The following HEXIM1 variants were observed in gnomAD, a reference collection of about 807,000 sequenced individuals.
The protein encoded by HEXIM1 is HEXIM P-TEFb complex subunit 1.
HEXIM1 carries 1 observed loss-of-function variant against 30.3 expected under a neutral mutation model. The observed-to-expected ratio is 0.03, with a 90% CI of 0.01 to 0.16. The LOEUF (loss-of-function observed/expected upper bound fraction) is 0.16, where lower values mean the gene tolerates loss of function less well. Ranked by LOEUF, HEXIM1 falls within the 10% of genes least tolerant of loss-of-function variation. HEXIM1 has a pLI of 1.00. For missense variants in HEXIM1, 391 were observed against 476.4 expected (o/e 0.82, Z 1.67); for synonymous variants, 245 against 208.3 (o/e 1.18, Z -1.52).
rs761200584 is a variant in HEXIM1 at position 45,149,286 on chromosome 17, C to T, written c.96C>T (p.Arg32=). 6.2e-7 allele frequency: 1 copy of T among 1,613,658 alleles called. No individual in the cohort carries two copies. The highest frequency in any genetic ancestry group is 1.7e-5 in the Admixed American group (1 of 60,016). Residue 32 remains arginine (R), a synonymous_variant, in exon 1 of 1, where the codon CGC becomes CGT. Transcript: ENST00000332499. This position sits in a 1 kb window ranked among gnomAD's most constrained non-coding sequence, Gnocchi z 5.3. ...TCCAGGAAGAGCTGAACCCTGAGCG[C>T]CCCCCAGGCGCGGAGGAGCGGGTGC... The part of the protein sequence containing the change: ...AAVQEELNPE[R]PPGAEERVPE...
rs969644113 is a variant in HEXIM1, at chr17:45,148,728, G to C, written c.-463G>C. The C allele has an allele frequency of 1.5e-5, 6 of 401,134 alleles. No homozygotes were observed. Among genetic ancestry groups the C allele is most frequent in the Non-Finnish European group, 2.6e-5 (6 of 227,486 alleles). 24.8% of individuals were successfully genotyped at this position (401,134 alleles called of 1,614,324 possible). A position where few individuals can be genotyped will look rare whatever the true frequency, so the allele number is the denominator to read the frequency against. ...TGGAAGTGGGAGGAGGTGGCGCCGG[G>C]ACTTTAACCCCTTGTGGGCTCTGCG... On this transcript the variant is annotated 5_prime_UTR_variant, in exon 1 of 1. Transcript: ENST00000332499.
Position 45,150,276 on chromosome 17 carries a change from A to G in HEXIM1, c.*6A>G. Reference sequence around the variant, plus strand: ...TTTCCAAGTTTGGAGACTAGACTGAAACTTTTTTGGGGGAGGGGGCAAAGG... The same window carrying G: ...TTTCCAAGTTTGGAGACTAGACTGAGACTTTTTTGGGGGAGGGGGCAAAGG... On this transcript the variant is annotated 3_prime_UTR_variant, in exon 1 of 1. Transcript: ENST00000332499. The G allele has an allele frequency of 6.2e-7, 1 of 1,604,176 alleles. No homozygotes were observed.
At position 45,148,837 on chromosome 17, in the gene HEXIM1, G is replaced by T; in HGVS notation, c.-354G>T. 2.4e-6 allele frequency: 1 copy of T among 409,352 alleles called. No individual in the cohort carries two copies. Among genetic ancestry groups the T allele is most frequent in the Non-Finnish European group, 4.3e-6 (1 of 231,916 alleles). 25.4% of individuals were successfully genotyped at this position (409,352 alleles called of 1,614,324 possible). On this transcript the variant is annotated 5_prime_UTR_variant, in exon 1 of 1. Transcript: ENST00000332499. ...TAACCCCTTCGGGGCTGGGTTTCAC[G>T]CACTGGACTTACCCTCATCACCTTG... is the stretch of plus-strand genomic sequence containing the variant.
rs775437378 is a variant in HEXIM1, at chr17:45,149,715, G to A, written c.525G>A (p.Lys175=). Residue 175 remains lysine (K), a synonymous_variant, in exon 1 of 1, where the codon AAG becomes AAA. Transcript: ENST00000332499. This position sits in a 1 kb window ranked among gnomAD's most constrained non-coding sequence, Gnocchi z 5.3. ...KPYYKLTWEE[K]KKFDEKQSLR... The stretch of plus-strand genomic sequence containing the variant: ...ACTACAAGCTGACCTGGGAAGAGAA[G>A]AAAAAGTTCGACGAGAAACAGAGCC... 2 of 1,613,068 alleles carry A rather than the reference G, an allele frequency of 1.2e-6. No homozygotes were observed. The highest frequency in any genetic ancestry group is 1.3e-5 in the African/African-American group (1 of 74,886).
In HEXIM1 at chr17:45,149,174, C is replaced by G. The variant is rs1487841245; in HGVS notation, c.-17C>G. 1.4e-5 allele frequency: 22 copies of G among 1,548,360 alleles called. No individual in the cohort carries two copies. Among genetic ancestry groups the G allele is most frequent in the Non-Finnish European group, 1.8e-5 (21 of 1,147,610 alleles). ...TTACTAGCCAAAATTTCTTAAACTT[C>G]GAGGACTCTACTAGCCATGGCCGAG... is the stretch of plus-strand genomic sequence containing the variant. On this transcript the variant is annotated 5_prime_UTR_variant, in exon 1 of 1. Transcript: ENST00000332499. This position sits in a 1 kb window ranked among gnomAD's most constrained non-coding sequence, Gnocchi z 5.3.
Sources: allele counts gnomAD v4.1 joint callset, GRCh38; gene constraint gnomAD v4.1.1; non-coding constraint Gnocchi (gnomAD v3.1); transcripts MANE v1.5; gene names NCBI Gene and HGNC (gene_info 2026-07-23, HGNC 2026-07-21).